INTU: variants seen among roughly 807,000 people sequenced by gnomAD.
INTU encodes inturned planar cell polarity protein.
In INTU, 68 loss-of-function variants were observed where a neutral mutation model predicts 100.5. That is an observed-to-expected ratio of 0.68 (90% confidence interval 0.56 to 0.83). The LOEUF (loss-of-function observed/expected upper bound fraction) is 0.83, where lower values mean the gene tolerates loss of function less well. Ranked by LOEUF, INTU falls within the 40% of genes least tolerant of loss-of-function variation. The pLI, the probability that INTU is intolerant of heterozygous loss-of-function variation, is 0.00. For missense variants in INTU, 1,071 were observed against 1,114.7 expected, an observed-to-expected ratio of 0.96 and a Z score of 0.56; for synonymous variants, 357 against 395.7, an observed-to-expected ratio of 0.90 and a Z score of 1.16.
At position 127,722,884 on chromosome 4, in the gene INTU, G is replaced by C. The variant is rs1731367210; in HGVS notation, c.*6448G>C. On this transcript the variant is annotated 3_prime_UTR_variant, in exon 16 of 16. Transcript: ENST00000335251. ...GGTTTTAGCTTATAGAGTTCTGTGA[G>C]AGCAAGGCTGCTTGGCTCCCTGGCT... 1 of 152,424 alleles carries C rather than the reference G, an allele frequency of 6.6e-6. No individual in the cohort carries two copies. Among genetic ancestry groups the C allele is most frequent in the Admixed American group, 6.5e-5 (1 of 15,282 alleles). 9.4% of individuals were successfully genotyped at this position (152,424 alleles called of 1,614,324 possible).
At chr4:127,667,100 A>G (rs529920910) in intron 4 of INTU, among the ~76,000 whole-genome samples, 21 of 152,324 alleles carry the variant, frequency 1.4e-4, no homozygotes, top group African/African-American at 4.6e-4. Context: ...TATATAAAAC[A>G]TAAAACAAAT....
chr4:127,709,634 T>G (rs1731017682), intron 13 of INTU, among the ~76,000 whole-genome samples: 1 of 151,828 alleles, frequency 6.6e-6, no homozygotes. Context: ...AATTATGACA[T>G]CATGTGTGGG....
At chr4:127,665,574 A>G (rs1392236826) in intron 4 of INTU, among the ~76,000 whole-genome samples, 1 of 152,138 alleles carries the variant, frequency 6.6e-6, no homozygotes, top group Admixed American at 6.6e-5. Context: ...TATAACAAAC[A>G]ATCCTAATGT....
intron 13 of INTU, among the ~76,000 whole-genome samples, 163 bp downstream of exon 13, chr4:127,708,831 G>A (rs1464653353): frequency 6.6e-6 from 1 of 152,000 alleles, no homozygotes; most frequent in Non-Finnish European, 1.5e-5. Flanking sequence ...TACACATTTA[G>A]GAAAATGACC....
At chr4:127,672,067 G>T (rs1002884444) in intron 5 of INTU, among the ~76,000 whole-genome samples, 35 of 152,050 alleles carry the variant, frequency 2.3e-4, no homozygotes, top group Admixed American at 1.7e-3. Flanking sequence ...TTAGGTGATG[G>T]TTACACTAAA....
chr4:127,638,185 AG>A lies in INTU; in HGVS notation c.146+5006del, dbSNP rs1727157978. The stretch of plus-strand genomic sequence containing the variant: ...AGTGCTTACTGAATAAGTGCCGGAT[AG>A]AATCCATATTAATTTGTCACAGTGT... On this transcript the variant is annotated intron_variant, in intron 1 of 15. Transcript: ENST00000335251. Among the ~76,000 whole-genome samples the A allele has an allele frequency of 2.6e-5, 4 of 152,228 alleles. No individual in the cohort carries two copies. The South Asian group carries it at 8.3e-4, about 32-fold the overall frequency.
intron 2 of INTU, among the ~76,000 whole-genome samples, chr4:127,647,330 T>A (rs1181587941): frequency 1.3e-5 from 2 of 152,158 alleles, no homozygotes; most frequent in Non-Finnish European, 2.9e-5. Flanking sequence ...CTACATTCCT[T>A]TTGGAGGCTC....
At chr4:127,661,436 T>G (rs936926201) in intron 3 of INTU, among the ~76,000 whole-genome samples, 1 of 152,126 alleles carries the variant, frequency 6.6e-6, no homozygotes, top group Non-Finnish European at 1.5e-5. Context: ...CCTTCCTTGT[T>G]CTGAGATGCG....
At chr4:127,667,099 C>T (rs1728731140) in intron 4 of INTU, among the ~76,000 whole-genome samples, 1 of 152,070 alleles carries the variant, frequency 6.6e-6, no homozygotes, top group Non-Finnish European at 1.5e-5. Flanking sequence ...TTATATAAAA[C>T]ATAAAACAAA....
chr4:127,716,571 G>A lies in INTU; in HGVS notation c.*135G>A. The A allele has an allele frequency of 2.5e-6, 1 of 395,358 alleles. No individual in the cohort carries two copies. The highest frequency in any genetic ancestry group is 4.5e-6 in the Non-Finnish European group (1 of 222,076). 24.5% of individuals were successfully genotyped at this position (395,358 alleles called of 1,614,324 possible). ...ATTGAACATAATATTGTTAAATATT[G>A]AGATGAAATGCTGTTGGATTTGATA... On this transcript the variant is annotated 3_prime_UTR_variant, in exon 16 of 16. Coordinates refer to ENST00000335251, the MANE Select transcript of INTU (RefSeq NM_015693.4).
intron 1 of INTU, among the ~76,000 whole-genome samples, chr4:127,634,514 T>C (rs1227611983): frequency 6.6e-6 from 1 of 152,230 alleles, no homozygotes; most frequent in African/African-American, 2.4e-5. Flanking sequence ...TGAACTTTGT[T>C]TCCTAGGAAA....
intron 3 of INTU, among the ~76,000 whole-genome samples, chr4:127,658,226 G>C (rs1462731737): frequency 6.6e-6 from 1 of 152,172 alleles, no homozygotes; most frequent in Non-Finnish European, 1.5e-5. Flanking sequence ...ACACACAGAT[G>C]CTCTGTAAAT....
Position 127,711,007 on chromosome 4 carries a change from C to A in INTU, c.2464C>A (p.Gln822Lys). Residue 822 changes from glutamine (Q) to lysine (K), a missense_variant, in exon 14 of 16, where the codon CAG becomes AAG. Gln to Lys is a moderately conservative substitution (Grantham distance 53). Coordinates refer to ENST00000335251, the MANE Select transcript of INTU (RefSeq NM_015693.4). The stretch of plus-strand genomic sequence containing the variant: ...TACTCCTACCCTTGAAGAGGTGGCA[C>A]AGCTAAGTGGCTCTATCCACCCTCA... ...FITPTLEEVAQLSGSIHPQLI... is the reference protein window; with the variant it reads ...FITPTLEEVAKLSGSIHPQLI... 1.2e-6 allele frequency: 2 copies of A among 1,608,362 alleles called. No homozygotes were observed. The highest frequency in any genetic ancestry group is 1.7e-4 in the Middle Eastern group (1 of 6,042).
intron 8 of INTU, among the ~76,000 whole-genome samples, chr4:127,698,539 T>C (rs1384275941): frequency 2.0e-5 from 3 of 152,292 alleles, no homozygotes; most frequent in African/African-American, 7.2e-5. Context: ...TGCTTGTTTA[T>C]TTTTAAAAAC....
At chr4:127,651,590 G>A (rs1246383515) in intron 2 of INTU, among the ~76,000 whole-genome samples, 3 of 152,066 alleles carry the variant, frequency 2.0e-5, no homozygotes, top group Non-Finnish European at 4.4e-5. Flanking sequence ...CTCTGTTTTG[G>A]TACCAGTACC....
chr4:127,657,938 G>A (rs367843858), intron 3 of INTU, among the ~76,000 whole-genome samples: 142 of 152,228 alleles, frequency 9.3e-4, no homozygotes, highest in African/African-American at 3.2e-3. Context: ...TGGAAAAATC[G>A]TCTTGCATGA....
chr4:127,708,518 C>A, intron 12 of INTU, 53 bp from the exon 13 acceptor site: 1 of 900,074 alleles, frequency 1.1e-6, no homozygotes, highest in Non-Finnish European at 1.8e-6. Flanking sequence ...ATTGTTTCTG[C>A]TATATGATTC....
intron 5 of INTU, among the ~76,000 whole-genome samples, chr4:127,672,055 C>G (rs1452017652): frequency 6.6e-6 from 1 of 152,008 alleles, no homozygotes; most frequent in Non-Finnish European, 1.5e-5. Flanking sequence ...AATGTACACT[C>G]CTTAGGTGAT....
intron 15 of INTU, among the ~76,000 whole-genome samples, chr4:127,714,916 G>T (rs1731216201): frequency 6.6e-6 from 1 of 152,038 alleles, no homozygotes; most frequent in African/African-American, 2.4e-5. Flanking sequence ...TGGGCAGTGG[G>T]CGGTATGGCA....
Sources: allele counts gnomAD v4.1 joint callset (sites outside exome capture counted in the v4.1 genomes callset), GRCh38; gene constraint gnomAD v4.1.1; transcripts MANE v1.5; gene names NCBI Gene and HGNC (gene_info 2026-07-23, HGNC 2026-07-21).